GPC1: variants seen among roughly 807,000 people sequenced by gnomAD.
The protein encoded by GPC1 is glypican-1.
Under a neutral mutation model 51.5 loss-of-function variants are expected in GPC1, and 26 were observed. The observed-to-expected ratio is 0.50, with a 90% CI of 0.37 to 0.70. GPC1 has a LOEUF of 0.70. Ranked by LOEUF, GPC1 falls within the 30% of genes least tolerant of loss-of-function variation. GPC1 has a pLI of 0.00. For synonymous variants in GPC1, 380 were observed against 348.3 expected (o/e 1.09, Z -1.01); for missense variants, 775 against 800.5 (o/e 0.97, Z 0.38).
intron 1 of GPC1, chr2:240,449,976 C>G: frequency 2.2e-6 from 1 of 460,598 alleles, no homozygotes; most frequent in South Asian, 1.6e-5. Flanking sequence ...ATCGTTTCTA[C>G]CTTCCGGCTC....
At chr2:240,466,018 C>T in intron 8 of GPC1, 40 bp from the exon 9 acceptor site, 1 of 1,350,038 alleles carries the variant, frequency 7.4e-7, no homozygotes. Context: ...CTGGGGTCTC[C>T]TGTGGGGACC....
At chr2:240,436,450 G>T (rs1211993310) in intron 1 of GPC1, among the ~76,000 whole-genome samples, 1 of 152,062 alleles carries the variant, frequency 6.6e-6, no homozygotes, top group Non-Finnish European at 1.5e-5. Flanking sequence ...GGCCCAGCGC[G>T]CCTGCAGGCC....
chr2:240,451,945 C>T (rs2074102627), intron 1 of GPC1: 1 of 152,672 alleles, frequency 6.5e-6, no homozygotes, highest in Admixed American at 6.5e-5. Context: ...CTGGTGAAAG[C>T]CCCGTCTTTG....
chr2:240,450,261 A>G, intron 1 of GPC1: 1 of 317,198 alleles, frequency 3.2e-6, no homozygotes, highest in Non-Finnish European at 6.2e-6. Flanking sequence ...CCCTAGGGAG[A>G]CGCCCTCCTG....
chr2:240,456,182 C>A, intron 1 of GPC1: 1 of 259,506 alleles, frequency 3.9e-6, no homozygotes, highest in Non-Finnish European at 7.7e-6. Flanking sequence ...GGTGCGCGGC[C>A]GTGAGGGGGT....
rs541756943 is a variant in GPC1 at position 240,451,140 on chromosome 2, T to C, written c.167-7890T>C. The C allele has an allele frequency of 3.6e-5, 17 of 471,170 alleles. 1 individual carries two copies. The highest frequency in any genetic ancestry group is 2.6e-4 in the South Asian group (17 of 64,562). The allele number at this position is 471,170 out of a possible 1,614,324, so 29.2% of individuals were successfully genotyped here. On this transcript the variant is annotated intron_variant, in intron 1 of 8. Transcript: ENST00000264039. ...CTCCCCTTCTGTTCCTTCCCCAGTG[T>C]TTATGAGCCATCCCTCTTGGCGGGC...
At chr2:240,444,627 G>A (rs965390495) in intron 1 of GPC1, among the ~76,000 whole-genome samples, 4 of 150,072 alleles carry the variant, frequency 2.7e-5, no homozygotes, top group African/African-American at 9.7e-5. Flanking sequence ...TCTGTGGCCT[G>A]TGCGCACCTT....
Position 240,462,515 on chromosome 2 carries a change from T to A in GPC1, c.650T>A (p.Phe217Tyr). The change falls in exon 3 of 9, where the codon TTC becomes TAC. Residue 217 changes from phenylalanine to tyrosine, a missense_variant. Phe to Tyr is a conservative substitution (Grantham distance 22). Coordinates refer to ENST00000264039, the MANE Select transcript of GPC1 (RefSeq NM_002081.3). The stretch of plus-strand genomic sequence containing the variant: ...CTGCGCCTGCGGGCCACCCGTGCCT[T>A]CGTGGCTGCTCGCTCCTTTGTGCAG... ...RELRLRATRA[F>Y]VAARSFVQGL... 1 of 1,584,648 alleles carries A rather than the reference T, an allele frequency of 6.3e-7. No homozygotes were observed. The highest frequency in any genetic ancestry group is 8.6e-7 in the Non-Finnish European group (1 of 1,166,822).
rs2074266694 is a variant in GPC1 at position 240,466,864 on chromosome 2, AG to A, written c.*578del. On this transcript the variant is annotated 3_prime_UTR_variant, in exon 9 of 9. Coordinates refer to ENST00000264039, the MANE Select transcript of GPC1 (RefSeq NM_002081.3). ...CCGGCCCCACCTCCCTGCGCCCTTG[AG>A]GGGCCCCAGCGTCTGCAGGGTGACG... is the stretch of plus-strand genomic sequence containing the variant. 1 of 152,992 alleles carries A rather than the reference AG, an allele frequency of 6.5e-6. No individual in the cohort carries two copies. Among genetic ancestry groups the A allele is most frequent in the African/African-American group, 2.4e-5 (1 of 41,466 alleles). The allele number at this position is 152,992 out of a possible 1,614,324, so 9.5% of individuals were successfully genotyped here.
chr2:240,446,147 C>T (rs542395440), intron 1 of GPC1, among the ~76,000 whole-genome samples: 21 of 152,378 alleles, frequency 1.4e-4, no homozygotes, highest in Admixed American at 1.3e-3. Context: ...CCCAGTGTGT[C>T]TGCGCCCAGG....
Position 240,448,910 on chromosome 2 carries a change from C to T in GPC1, c.167-10120C>T, listed in dbSNP as rs769481041. On this transcript the variant is annotated intron_variant, in intron 1 of 8. Coordinates refer to ENST00000264039, the MANE Select transcript of GPC1 (RefSeq NM_002081.3). The surrounding 1 kb of genome is among the most constrained non-coding windows in gnomAD (Gnocchi z 4.5). Reference sequence around the variant, plus strand: ...GTGGCCTAATCTCCATACCTGGGCTCGGGGTGCCCAGGTATCAAGCCTGGG... The same window carrying T: ...GTGGCCTAATCTCCATACCTGGGCTTGGGGTGCCCAGGTATCAAGCCTGGG... 5.3e-5 allele frequency among the ~76,000 whole-genome samples: 8 copies of T among 151,964 alleles called. No homozygotes were observed. Among genetic ancestry groups the T allele is most frequent in the Admixed American group, 2.6e-4 (4 of 15,262 alleles).
chr2:240,458,927 C>G, intron 1 of GPC1, 103 bp from the exon 2 acceptor site: 1 of 1,100,850 alleles, frequency 9.1e-7, no homozygotes, highest in Non-Finnish European at 1.3e-6. Context: ...CTGAGCTGTG[C>G]TCCACCCTGG....
chr2:240,444,988 G>A (rs1355719580), intron 1 of GPC1, among the ~76,000 whole-genome samples: 3 of 152,198 alleles, frequency 2.0e-5, no homozygotes, highest in South Asian at 2.1e-4. Context: ...TGGCTCAGGC[G>A]TTTACATGCA....
At chr2:240,461,566 G>T (rs991881299) in intron 2 of GPC1, among the ~76,000 whole-genome samples, 8 of 152,134 alleles carry the variant, frequency 5.3e-5, no homozygotes, top group African/African-American at 1.9e-4. Flanking sequence ...CCCAGCAGGG[G>T]AGATGTCTGG....
At chr2:240,463,274 C>T (rs985600383) in intron 3 of GPC1, 73 bp from the exon 4 acceptor site, 3 of 1,371,210 alleles carry the variant, frequency 2.2e-6, no homozygotes, top group Non-Finnish European at 3.1e-6. Context: ...TACCCTGGGG[C>T]TTCGTTAGGG....
chr2:240,461,301 G>A (rs192025846), intron 2 of GPC1, among the ~76,000 whole-genome samples: 109 of 152,300 alleles, frequency 7.2e-4, no homozygotes, highest in Middle Eastern at 3.4e-3. Flanking sequence ...GACGGCCCCC[G>A]TGCCTCAAAG....
In GPC1 at chr2:240,463,486, T is replaced by C. The variant is rs1185093494; in HGVS notation, c.857T>C (p.Leu286Pro). 1 of 1,612,966 alleles carries C rather than the reference T, an allele frequency of 6.2e-7. No individual in the cohort carries two copies. Among genetic ancestry groups the C allele is most frequent in the Non-Finnish European group, 8.5e-7 (1 of 1,179,958 alleles). ...GGCTGCCTTGCCAACCAGGCCGACC[T>C]GGACGCCGAGTGGAGGAACCTCCTG... Reference protein sequence around the residue: ...LKGCLANQADLDAEWRNLLDS... With the variant: ...LKGCLANQADPDAEWRNLLDS... Residue 286 changes from leucine (L) to proline (P), a missense_variant, in exon 4 of 9, where the codon CTG becomes CCG. Physicochemically the swap from Leu to Pro is moderately conservative, Grantham distance 98 (BLOSUM62 -3). Transcript: ENST00000264039.
intron 1 of GPC1, among the ~76,000 whole-genome samples, chr2:240,438,752 C>T (rs2073999915): frequency 1.3e-5 from 2 of 152,224 alleles, no homozygotes; most frequent in Admixed American, 6.5e-5. Flanking sequence ...AGTGTCGGGA[C>T]ATATTGGGCT....
intron 1 of GPC1, chr2:240,456,174 T>C (rs1315122030): frequency 7.7e-6 from 2 of 259,918 alleles, no homozygotes; most frequent in Non-Finnish European, 7.6e-6. Context: ...CGGGGGCCGG[T>C]GCGCGGCCGT....
Sources: gnomAD v4.1 joint callset for allele counts (sites outside exome capture counted in the v4.1 genomes callset) on GRCh38, gnomAD v4.1.1 for gene constraint, Gnocchi (gnomAD v3.1) non-coding constraint, MANE v1.5 for transcripts, NCBI Gene and HGNC (gene_info 2026-07-23, HGNC 2026-07-21) for gene names.